The following PCDH7 variants were observed in gnomAD, a reference collection of about 807,000 sequenced individuals.
PCDH7 encodes protocadherin 7, also known as protocadherin-7.
Under a neutral mutation model 58.9 loss-of-function variants are expected in PCDH7, and 17 were observed. That is an observed-to-expected ratio of 0.29 (90% CI 0.20 to 0.43). PCDH7 has a LOEUF of 0.43. Among genes scored for constraint, PCDH7 ranks in the 20% least tolerant of loss-of-function variants. PCDH7 has a pLI of 1.00. For missense variants in PCDH7, 1,274 were observed against 1,441.0 expected (o/e 0.88, Z 1.88); for synonymous variants, 664 against 616.4 (o/e 1.08, Z -1.14).
intron 3 of PCDH7, among the ~76,000 whole-genome samples, chr4:31,103,423 T>G (rs1715150146): frequency 6.6e-6 from 1 of 152,096 alleles, no homozygotes; most frequent in Non-Finnish European, 1.5e-5. Context: ...CACTGCAACC[T>G]CCACCTCCCA....
intron 1 of PCDH7, among the ~76,000 whole-genome samples, chr4:30,846,688 C>T (rs368906509): frequency 6.6e-6 from 1 of 152,182 alleles, no homozygotes. Context: ...TGTCAAATAT[C>T]AACTAAAAAG....
At chr4:30,920,892 G>A (rs1465261888) in intron 2 of PCDH7, among the ~76,000 whole-genome samples, 2 of 151,980 alleles carry the variant, frequency 1.3e-5, no homozygotes, top group African/African-American at 4.8e-5. Flanking sequence ...GTTCTCCATA[G>A]TATGCAATAA....
chr4:30,878,364 G>A (rs1160549787), intron 1 of PCDH7, among the ~76,000 whole-genome samples: 1 of 152,056 alleles, frequency 6.6e-6, no homozygotes, highest in Non-Finnish European at 1.5e-5. Context: ...ATAATCAAAT[G>A]GGTTTACCTA....
At chr4:31,097,942 A>T (rs1009292801) in intron 3 of PCDH7, among the ~76,000 whole-genome samples, 1 of 152,140 alleles carries the variant, frequency 6.6e-6, no homozygotes, top group Admixed American at 6.5e-5. Flanking sequence ...ATTTACATGC[A>T]TCAAGATAAG....
At chr4:30,885,749 G>A (rs1486458586) in intron 1 of PCDH7, among the ~76,000 whole-genome samples, 3 of 152,084 alleles carry the variant, frequency 2.0e-5, no homozygotes, top group East Asian at 1.9e-4. Flanking sequence ...AACCAAAACA[G>A]CATGGTACTG....
At chr4:31,050,708 T>G (rs1756665194) in intron 3 of PCDH7, among the ~76,000 whole-genome samples, 1 of 152,144 alleles carries the variant, frequency 6.6e-6, no homozygotes, top group African/African-American at 2.4e-5. Context: ...AGCACATCTT[T>G]ATAATTAAGT....
chr4:30,792,365 C>A (rs1365606994), intron 1 of PCDH7, among the ~76,000 whole-genome samples: 1 of 148,126 alleles, frequency 6.8e-6, no homozygotes, highest in Admixed American at 6.9e-5. Context: ...ATTTTGACTT[C>A]ATATCATAGT....
At chr4:30,763,133 G>GA (rs770715171) in intron 1 of PCDH7, among the ~76,000 whole-genome samples, 39 of 152,294 alleles carry the variant, frequency 2.6e-4, no homozygotes, top group Non-Finnish European at 5.3e-4. Flanking sequence ...TGAGGCAGGA[G>GA]AATCGCTTGA....
intron 3 of PCDH7, among the ~76,000 whole-genome samples, chr4:31,116,519 C>A (rs1446828553): frequency 6.6e-6 from 1 of 152,122 alleles, no homozygotes; most frequent in Non-Finnish European, 1.5e-5. Context: ...TTCGGTGGCA[C>A]TGGCACCATT....
chr4:30,858,906 A>T (rs1349982777), intron 1 of PCDH7, among the ~76,000 whole-genome samples: 1 of 152,024 alleles, frequency 6.6e-6, no homozygotes, highest in South Asian at 2.1e-4. Context: ...ATGCTATTTT[A>T]TCATTTGGTA....
At chr4:30,947,739 T>C (rs1746880350) in intron 2 of PCDH7, among the ~76,000 whole-genome samples, 1 of 152,160 alleles carries the variant, frequency 6.6e-6, no homozygotes, top group Non-Finnish European at 1.5e-5. Flanking sequence ...TGTGAAACTA[T>C]ATAATATAAT....
intron 1 of PCDH7, among the ~76,000 whole-genome samples, chr4:30,908,766 G>T: frequency 6.6e-6 from 1 of 151,982 alleles, no homozygotes; most frequent in East Asian, 1.9e-4. Flanking sequence ...AAGAGGATCT[G>T]GTACCATTTC....
intron 3 of PCDH7, among the ~76,000 whole-genome samples, chr4:31,080,996 C>T (rs756962166): frequency 1.7e-4 from 26 of 152,188 alleles, no homozygotes; most frequent in Non-Finnish European, 3.7e-4. Flanking sequence ...CACTTTCTGC[C>T]ATGGATCGTG....
chr4:30,876,352 G>T (rs1210983775), intron 1 of PCDH7, among the ~76,000 whole-genome samples: 1 of 152,084 alleles, frequency 6.6e-6, no homozygotes. Context: ...AAGTTAAAAT[G>T]ACTGTTCTTG....
chr4:30,761,871 G>A (rs545539473), intron 1 of PCDH7, among the ~76,000 whole-genome samples: 13 of 152,204 alleles, frequency 8.5e-5, no homozygotes, highest in Non-Finnish European at 1.5e-4. Context: ...TTTAGATGTC[G>A]ATTTGCTCAA....
At chr4:30,729,286 C>T (rs1282833635) in intron 1 of PCDH7, among the ~76,000 whole-genome samples, 2 of 151,916 alleles carry the variant, frequency 1.3e-5, no homozygotes, top group Non-Finnish European at 2.9e-5. Context: ...CAGTAGAAAT[C>T]TGTTGAAATT....
At chr4:31,120,541 C>G (rs753443081) in intron 3 of PCDH7, among the ~76,000 whole-genome samples, 7 of 150,492 alleles carry the variant, frequency 4.7e-5, no homozygotes, top group African/African-American at 1.2e-4. Flanking sequence ...CAGGATCCAG[C>G]TTTCCTTATT....
At chr4:30,818,737 G>A (rs940200371) in intron 1 of PCDH7, among the ~76,000 whole-genome samples, 3 of 152,084 alleles carry the variant, frequency 2.0e-5, no homozygotes, top group African/African-American at 7.2e-5. Flanking sequence ...CTGAAGGGAT[G>A]ATATGACCAA....
At position 30,900,604 on chromosome 4, in the gene PCDH7, G is replaced by A. The variant is rs577602983; in HGVS notation, c.71-19549G>A. Among the ~76,000 whole-genome samples, 1,053 of 152,258 alleles carry A rather than the reference G, an allele frequency of 6.9e-3. 4 individuals are homozygous for A. Among genetic ancestry groups the A allele is most frequent in the Non-Finnish European group, 0.012 (847 of 68,010 alleles). On this transcript the variant is annotated intron_variant, in intron 1 of 3. Transcript: ENST00000509759. Reference sequence around the variant, plus strand: ...CATGGGTATTTACAAATCAGTGCATGGAAGTCCCAGGACAGAGAAAGGGTA... The same window carrying A: ...CATGGGTATTTACAAATCAGTGCATAGAAGTCCCAGGACAGAGAAAGGGTA...
Sources: allele counts gnomAD v4.1 joint callset (sites outside exome capture counted in the v4.1 genomes callset), GRCh38; gene constraint gnomAD v4.1.1; transcripts MANE v1.5; gene names NCBI Gene and HGNC (gene_info 2026-07-23, HGNC 2026-07-21).